STMN4: variants seen among roughly 807,000 people sequenced by gnomAD.
STMN4 encodes the protein stathmin 4.
STMN4 carries 12 observed loss-of-function variants against 29.1 expected under a neutral mutation model. That is an observed-to-expected ratio of 0.41 (90% confidence interval 0.26 to 0.67). The LOEUF (loss-of-function observed/expected upper bound fraction) is 0.67. STMN4 is among the 30% of genes least tolerant of loss of function. The probability of loss-of-function intolerance (pLI) is 0.30; values close to 1 mark genes in which losing one functional copy is unlikely to be tolerated. For missense variants in STMN4, 181 were observed against 262.8 expected, an observed-to-expected ratio of 0.69 and a Z score of 2.15; for synonymous variants, 114 against 105.3, an observed-to-expected ratio of 1.08 and a Z score of -0.51.
intron 1 of STMN4, among the ~76,000 whole-genome samples, chr8:27,252,829 G>A (rs900126660): frequency 6.6e-6 from 1 of 152,126 alleles, no homozygotes; most frequent in African/African-American, 2.4e-5. Flanking sequence ...ATTGCTGATG[G>A]CATGTGATTG....
chr8:27,255,699 T>C (rs985509940), intron 1 of STMN4, among the ~76,000 whole-genome samples: 9 of 152,132 alleles, frequency 5.9e-5, no homozygotes, highest in African/African-American at 1.7e-4. Flanking sequence ...GTTGCTCTAT[T>C]TTAAAAGTTA....
At chr8:27,246,346 G>A (rs1801623323) in intron 1 of STMN4, among the ~76,000 whole-genome samples, 1 of 152,180 alleles carries the variant, frequency 6.6e-6, no homozygotes, top group Non-Finnish European at 1.5e-5. Flanking sequence ...TGTTAAAAAT[G>A]TGTGCTTACT....
intron 1 of STMN4, among the ~76,000 whole-genome samples, chr8:27,255,007 C>A (rs527638148): frequency 1.3e-5 from 2 of 151,264 alleles, no homozygotes; most frequent in Non-Finnish European, 2.9e-5. Flanking sequence ...GTGGGAAGGG[C>A]GCAGGTGTGC....
At chr8:27,239,819 C>G (rs745376177) in intron 6 of STMN4, 152 bp downstream of exon 6, 26 of 1,545,344 alleles carry the variant, frequency 1.7e-5, no homozygotes, top group Non-Finnish European at 2.3e-5. Context: ...GATCATCCTT[C>G]GGAACTCTCT....
At chr8:27,255,283 A>C (rs554129998) in intron 1 of STMN4, among the ~76,000 whole-genome samples, 1 of 152,302 alleles carries the variant, frequency 6.6e-6, no homozygotes, top group South Asian at 2.1e-4. Flanking sequence ...TACACTTTAC[A>C]TGTTGTATAA....
chr8:27,257,858 C>G (rs950833364), intron 1 of STMN4, among the ~76,000 whole-genome samples: 4 of 151,984 alleles, frequency 2.6e-5, no homozygotes, highest in Non-Finnish European at 4.4e-5. Context: ...TCCTTAGAAC[C>G]AAGAGAAAAA....
chr8:27,249,289 A>T (rs773528833), intron 1 of STMN4, among the ~76,000 whole-genome samples: 1 of 152,184 alleles, frequency 6.6e-6, no homozygotes, highest in Non-Finnish European at 1.5e-5. Context: ...AATGTCAGAG[A>T]TGGAGAGAAC....
chr8:27,254,581 G>A (rs1201485065), intron 1 of STMN4, among the ~76,000 whole-genome samples: 2 of 152,132 alleles, frequency 1.3e-5, no homozygotes, highest in East Asian at 1.9e-4. Context: ...GGTGGGGAGG[G>A]ATAGGTATGC....
rs998832208 is a variant in STMN4 at position 27,236,915 on chromosome 8, A to C, written c.592-10T>G. On this transcript the variant is annotated splice_polypyrimidine_tract_variant and intron_variant, in intron 6 of 6. Coordinates refer to ENST00000350889, the MANE Select transcript of STMN4 (RefSeq NM_030795.4). ...CCTCGGCGTGCTTGTCCTGGAAAGG[A>C]AGGGAGGGAAAAGGGCAGGTCACAC... is the stretch of plus-strand genomic sequence containing the variant. The C allele has an allele frequency of 6.2e-7, 1 of 1,605,432 alleles. No homozygotes were observed.
At chr8:27,251,576 C>T (rs1161771920) in intron 1 of STMN4, among the ~76,000 whole-genome samples, 1 of 151,796 alleles carries the variant, frequency 6.6e-6, no homozygotes, top group Non-Finnish European at 1.5e-5. Flanking sequence ...ATATGTGCAT[C>T]TTATAAATAA....
chr8:27,255,932 T>C (rs1048097803), intron 1 of STMN4, among the ~76,000 whole-genome samples: 2 of 152,150 alleles, frequency 1.3e-5, no homozygotes, highest in African/African-American at 2.4e-5. Flanking sequence ...TTCTCCGTCT[T>C]TGATAGGTCC....
At chr8:27,250,937 T>A (rs972049910) in intron 1 of STMN4, among the ~76,000 whole-genome samples, 8 of 152,162 alleles carry the variant, frequency 5.3e-5, no homozygotes, top group African/African-American at 1.2e-4. Context: ...TCTGGGCAAT[T>A]TTTATTTCCA....
At chr8:27,251,682 T>C (rs534603577) in intron 1 of STMN4, among the ~76,000 whole-genome samples, 1 of 152,354 alleles carries the variant, frequency 6.6e-6, no homozygotes, top group Admixed American at 6.5e-5. Flanking sequence ...CTTTATGCTA[T>C]TGGCATTTTC....
chr8:27,239,896 C>T (rs1009149479), intron 6 of STMN4, 75 bp downstream of exon 6: 1 of 1,609,268 alleles, frequency 6.2e-7, no homozygotes, highest in Admixed American at 1.7e-5. Context: ...AGATGATCAG[C>T]AGGTCCCCGC....
At position 27,240,019 on chromosome 8, in the gene STMN4, C is replaced by A; in HGVS notation, c.543G>T (p.Glu181Asp). ...KLAQKMESNK[E>D]NREAHLAAML... ...TGGCGGCGAGGTGGGCCTCCCTGTT[C>A]TCCTTGTTGGATTCCATCTTCTGGG... The change falls in exon 6 of 7, where the codon GAG becomes GAT. Residue 181 changes from glutamate to aspartate, a missense_variant. Physicochemically the swap from Glu to Asp is conservative, Grantham distance 45. Transcript: ENST00000350889. 6.2e-7 allele frequency: 1 copy of A among 1,614,232 alleles called. No homozygotes were observed. The highest frequency in any genetic ancestry group is 8.5e-7 in the Non-Finnish European group (1 of 1,180,046).
chr8:27,251,287 TATATATATATACATATA>T (rs1801776619), intron 1 of STMN4, among the ~76,000 whole-genome samples: 1 of 115,578 alleles, frequency 8.7e-6, no homozygotes, highest in East Asian at 2.4e-4. Context: ...CGTATATACG[TATATATATATACATATA>T]ATATTATATA....
chr8:27,254,996 G>A (rs891870957), intron 1 of STMN4, among the ~76,000 whole-genome samples: 2 of 151,986 alleles, frequency 1.3e-5, no homozygotes, highest in African/African-American at 2.4e-5. Context: ...TGCATATGTA[G>A]GTGGGAAGGG....
chr8:27,243,810 AG>A lies in STMN4; in HGVS notation c.-78-10del. 6.2e-7 allele frequency: 1 copy of A among 1,612,676 alleles called. No individual in the cohort carries two copies. Among genetic ancestry groups the A allele is most frequent in the South Asian group, 1.1e-5 (1 of 91,022 alleles). On this transcript the variant is annotated splice_polypyrimidine_tract_variant and intron_variant, in intron 1 of 6. Transcript: ENST00000350889. ...GGGACGCTGTCACCAACCTGAGAAA[AG>A]GGGAGGACAGGATTTTACCATCGAT...
At chr8:27,239,576 G>T in intron 6 of STMN4, 1 of 936,210 alleles carries the variant, frequency 1.1e-6, no homozygotes, top group Non-Finnish European at 1.5e-6. Context: ...GTGACTTAGA[G>T]CCAAGAGCTC....
Sources: allele counts gnomAD v4.1 joint callset (sites outside exome capture counted in the v4.1 genomes callset), GRCh38; gene constraint gnomAD v4.1.1; transcripts MANE v1.5; gene names NCBI Gene and HGNC (gene_info 2026-07-23, HGNC 2026-07-21).